The following RGS5 variants were observed in gnomAD, a reference collection of about 807,000 sequenced individuals.
The protein encoded by RGS5 is regulator of G protein signaling 5, also known as regulator of G-protein signalling 5.
RGS5 carries 20 observed loss-of-function variants against 18.9 expected under a neutral mutation model. That is an observed-to-expected ratio of 1.06 (90% CI 0.74 to 1.54). The LOEUF (loss-of-function observed/expected upper bound fraction) is 1.54, where lower values mean the gene tolerates loss of function less well. Ranked by LOEUF, RGS5 falls within the 40% of genes most tolerant of loss-of-function variation. The probability of loss-of-function intolerance (pLI) is 0.00; values close to 1 mark genes in which losing one functional copy is unlikely to be tolerated. For synonymous variants in RGS5, 57 were observed against 76.2 expected, an observed-to-expected ratio of 0.75 and a Z score of 1.31; for missense variants, 201 against 211.8, an observed-to-expected ratio of 0.95 and a Z score of 0.32.
chr1:163,290,334 G>A (rs1649250185), intron 2 of RGS5, among the ~76,000 whole-genome samples: 1 of 152,160 alleles, frequency 6.6e-6, no homozygotes, highest in Non-Finnish European at 1.5e-5. Context: ...TCCTTGGTGT[G>A]AGGCAACAAA....
intron 1 of RGS5, among the ~76,000 whole-genome samples, chr1:163,318,645 C>T (rs529364614): frequency 3.9e-5 from 6 of 151,988 alleles, no homozygotes; most frequent in Non-Finnish European, 5.9e-5. Flanking sequence ...AAGGTTGGAA[C>T]TTTGGGAAAT....
chr1:163,255,184 G>A (rs1435509399), intron 2 of RGS5, among the ~76,000 whole-genome samples: 1 of 152,098 alleles, frequency 6.6e-6, no homozygotes, highest in Non-Finnish European at 1.5e-5. Flanking sequence ...ATTCTGTGAA[G>A]AAAGTCATTG....
intron 1 of RGS5, among the ~76,000 whole-genome samples, chr1:163,197,243 C>T (rs1044027653): frequency 6.6e-6 from 1 of 152,120 alleles, no homozygotes; most frequent in African/African-American, 2.4e-5. Context: ...TGTGCCCGCC[C>T]ATCTCTGGGT....
chr1:163,274,210 A>G (rs1648793544), intron 2 of RGS5, among the ~76,000 whole-genome samples: 1 of 152,160 alleles, frequency 6.6e-6, no homozygotes, highest in African/African-American at 2.4e-5. Flanking sequence ...GAGTGGGACT[A>G]CCAGATAGCC....
At chr1:163,215,119 T>C (rs1000964243) in intron 1 of RGS5, among the ~76,000 whole-genome samples, 3 of 152,240 alleles carry the variant, frequency 2.0e-5, no homozygotes, top group African/African-American at 7.2e-5. Flanking sequence ...ATTCTGAAGC[T>C]TTCTTTTTGC....
chr1:163,150,370 G>A (rs542775464), intron 4 of RGS5, among the ~76,000 whole-genome samples: 6 of 152,236 alleles, frequency 3.9e-5, no homozygotes, highest in African/African-American at 1.2e-4. Flanking sequence ...TTATCTGAGT[G>A]GGTTTCTACT....
At chr1:163,200,323 T>C (rs1265012307) in intron 1 of RGS5, among the ~76,000 whole-genome samples, 1 of 152,212 alleles carries the variant, frequency 6.6e-6, no homozygotes, top group Non-Finnish European at 1.5e-5. Flanking sequence ...CAGCAGAGCT[T>C]TTCATTTAAA....
intron 2 of RGS5, among the ~76,000 whole-genome samples, chr1:163,292,129 G>A (rs981352684): frequency 1.3e-5 from 2 of 151,904 alleles, no homozygotes; most frequent in Admixed American, 6.6e-5. Context: ...GTATTAAGCC[G>A]AGCATCCATT....
chr1:163,163,704 T>C (rs1174154413), intron 2 of RGS5, among the ~76,000 whole-genome samples: 1 of 152,112 alleles, frequency 6.6e-6, no homozygotes, highest in Non-Finnish European at 1.5e-5. Context: ...CTATAGTAGG[T>C]TCAATATTTT....
At chr1:163,308,756 T>G (rs1365885340) in intron 1 of RGS5, 1 of 152,194 alleles carries the variant, frequency 6.6e-6, no homozygotes, top group Non-Finnish European at 1.5e-5. Flanking sequence ...TAGTACATAA[T>G]TATGTACAGG....
chr1:163,268,778 C>T (rs555114520), intron 2 of RGS5, among the ~76,000 whole-genome samples: 26 of 152,258 alleles, frequency 1.7e-4, no homozygotes, highest in African/African-American at 6.0e-4. Flanking sequence ...ATGCTCTCCC[C>T]TCTCTTCCTT....
intron 2 of RGS5, among the ~76,000 whole-genome samples, chr1:163,165,584 C>G (rs1658004125): frequency 6.6e-6 from 1 of 152,080 alleles, no homozygotes; most frequent in African/African-American, 2.4e-5. Context: ...GAATGCGGGA[C>G]TAGAAGTTAA....
intron 4 of RGS5, among the ~76,000 whole-genome samples, chr1:163,152,280 A>G (rs1000679480): frequency 3.9e-5 from 6 of 152,328 alleles, no homozygotes; most frequent in Non-Finnish European, 8.8e-5. Flanking sequence ...CAGAGACTCA[A>G]CAATTCATGC....
chr1:163,276,349 T>C (rs1175408437), intron 2 of RGS5, among the ~76,000 whole-genome samples: 1 of 152,120 alleles, frequency 6.6e-6, no homozygotes, highest in Non-Finnish European at 1.5e-5. Flanking sequence ...TCCTGTAGTA[T>C]TAAAAAAAAT....
chr1:163,178,353 T>TA (rs1658656543), intron 1 of RGS5, among the ~76,000 whole-genome samples: 1 of 151,548 alleles, frequency 6.6e-6, no homozygotes, highest in Non-Finnish European at 1.5e-5. Flanking sequence ...AATAAATAAA[T>TA]AAAAGAAGCA....
intron 4 of RGS5, among the ~76,000 whole-genome samples, chr1:163,152,188 C>T (rs1269217888): frequency 3.3e-5 from 5 of 152,078 alleles, no homozygotes; most frequent in Admixed American, 3.3e-4. Flanking sequence ...TTTTTACACC[C>T]ACTATTTAAT....
chr1:163,288,104 T>C (rs1270860936), intron 2 of RGS5, among the ~76,000 whole-genome samples: 1 of 152,100 alleles, frequency 6.6e-6, no homozygotes, highest in Non-Finnish European at 1.5e-5. Flanking sequence ...CAACAGTTTT[T>C]ACAAGGCCTT....
chr1:163,164,831 A>G (rs1461455960), intron 2 of RGS5, among the ~76,000 whole-genome samples: 1 of 152,038 alleles, frequency 6.6e-6, no homozygotes, highest in Non-Finnish European at 1.5e-5. Flanking sequence ...TGTTTTTTGT[A>G]TTGTTTTGGT....
At chr1:163,231,134 G>C (rs1037126796) in intron 2 of RGS5, among the ~76,000 whole-genome samples, 1 of 152,158 alleles carries the variant, frequency 6.6e-6, no homozygotes, top group Non-Finnish European at 1.5e-5. Flanking sequence ...CAGGCTAAAA[G>C]TACAAAGATA....
Sources: gnomAD v4.1 joint callset for allele counts (sites outside exome capture counted in the v4.1 genomes callset) on GRCh38, gnomAD v4.1.1 for gene constraint, MANE v1.5 for transcripts, NCBI Gene and HGNC (gene_info 2026-07-23, HGNC 2026-07-21) for gene names.